Variants in FOXK1 observed in about 807,000 individuals in gnomAD.
The protein encoded by FOXK1 is forkhead box protein K1.
FOXK1 carries 19 observed loss-of-function variants against 51.9 expected under a neutral mutation model. The ratio of observed to expected loss-of-function variants is 0.37; its 90% CI spans 0.26 to 0.54. The LOEUF (loss-of-function observed/expected upper bound fraction) is 0.54, where lower values mean the gene tolerates loss of function less well. FOXK1 is among the 20% of genes least tolerant of loss of function. The pLI is 0.87. For synonymous variants in FOXK1, 537 were observed against 482.6 expected (o/e 1.11, Z -1.48); for missense variants, 870 against 1,032.7 (o/e 0.84, Z 2.16).
At chr7:4,737,572 G>GTGTGTGCA (rs1038024447) in intron 1 of FOXK1, among the ~76,000 whole-genome samples, 1 of 152,016 alleles carries the variant, frequency 6.6e-6, no homozygotes, top group Non-Finnish European at 1.5e-5. Context: ...GTGTGTGTGT[G>GTGTGTGCA]TGCATGCATG....
intron 1 of FOXK1, among the ~76,000 whole-genome samples, chr7:4,732,337 C>T (rs1312073918): frequency 1.3e-5 from 2 of 152,198 alleles, no homozygotes; most frequent in Non-Finnish European, 2.9e-5. Context: ...TCCATTCATT[C>T]ATTCATTCAT....
chr7:4,730,697 G>A lies in FOXK1; in HGVS notation c.561-10141G>A, dbSNP rs1192962247. ...TGCACTGCTCTTAGCTGCTGGCGAAGACGTGGTCTCTGCAATAGAGAGGCG... is the reference window on the plus strand; with the variant it reads ...TGCACTGCTCTTAGCTGCTGGCGAAAACGTGGTCTCTGCAATAGAGAGGCG... On this transcript the variant is annotated intron_variant, in intron 1 of 8. Coordinates refer to ENST00000328914, the MANE Select transcript of FOXK1 (RefSeq NM_001037165.2). This position sits in a 1 kb window ranked among gnomAD's most constrained non-coding sequence, Gnocchi z 4.7. Among the ~76,000 whole-genome samples, 3 of 152,250 alleles carry A rather than the reference G, an allele frequency of 2.0e-5. No homozygotes were observed. Among genetic ancestry groups the A allele is most frequent in the Non-Finnish European group, 2.9e-5 (2 of 68,050 alleles).
chr7:4,719,280 G>A (rs1200507496), intron 1 of FOXK1, among the ~76,000 whole-genome samples: 4 of 151,770 alleles, frequency 2.6e-5, no homozygotes, highest in East Asian at 1.9e-4. Flanking sequence ...GACTACAAGC[G>A]TGCACCACTA....
chr7:4,708,892 C>G (rs1171727936), intron 1 of FOXK1, among the ~76,000 whole-genome samples: 1 of 152,042 alleles, frequency 6.6e-6, no homozygotes. Flanking sequence ...TAGTGAGACC[C>G]CGTCTCTACT....
intron 1 of FOXK1, among the ~76,000 whole-genome samples, chr7:4,727,770 G>A (rs1021677906): frequency 1.2e-4 from 18 of 152,234 alleles, no homozygotes; most frequent in African/African-American, 2.2e-4. Context: ...GTGGGAACCC[G>A]CGCACGGAGG....
In FOXK1 at chr7:4,723,404, C is replaced by T. The variant is rs993299171; in HGVS notation, c.561-17434C>T. Among the ~76,000 whole-genome samples the T allele has an allele frequency of 3.3e-5, 5 of 151,486 alleles. 1 individual carries two copies. The highest frequency in any genetic ancestry group is 4.2e-4 in the South Asian group (2 of 4,816). On this transcript the variant is annotated intron_variant, in intron 1 of 8. Transcript: ENST00000328914. This position sits in a 1 kb window ranked among gnomAD's most constrained non-coding sequence, Gnocchi z 4.7. Reference sequence around the variant, plus strand: ...TTTTCTGTGGGGTTTTTTTTTTGGACGTTCCCAGCTGACTAAATTTGCCTT... The same window carrying T: ...TTTTCTGTGGGGTTTTTTTTTTGGATGTTCCCAGCTGACTAAATTTGCCTT...
In FOXK1 at chr7:4,754,736, A is replaced by T. The variant is rs56130707; in HGVS notation, c.903+121A>T. The T allele has an allele frequency of 9.4e-5, 118 of 1,257,886 alleles. 1 individual carries two copies. In the South Asian group the frequency reaches 9.8e-4, roughly 10 times the overall value. The allele number at this position is 1,257,886 out of a possible 1,614,324, so 77.9% of individuals were successfully genotyped here. On this transcript the variant is annotated intron_variant, in intron 3 of 8. Transcript: ENST00000328914. ...CGTGTGCTCGAGGTGGTCTCAGCCCACAGGGAATGGAGCCGCAGCTGGCGG... is the reference window on the plus strand; with the variant it reads ...CGTGTGCTCGAGGTGGTCTCAGCCCTCAGGGAATGGAGCCGCAGCTGGCGG...
intron 1 of FOXK1, among the ~76,000 whole-genome samples, chr7:4,686,601 G>A (rs955194): frequency 0.049 from 7,528 of 152,138 alleles, 580 homozygotes; most frequent in African/African-American, 0.17. Context: ...CCGGGTCTCC[G>A]TGATAGCGTT....
In FOXK1 at chr7:4,758,735, C is replaced by T. The variant is rs1369150072; in HGVS notation, c.1245-316C>T. The T allele has an allele frequency of 2.9e-6, 1 of 342,518 alleles. No homozygotes were observed. The highest frequency in any genetic ancestry group is 5.3e-6 in the Non-Finnish European group (1 of 188,878). 21.2% of individuals were successfully genotyped at this position (342,518 alleles called of 1,614,324 possible). A position where few individuals can be genotyped will look rare whatever the true frequency, so the allele number is the denominator to read the frequency against. On this transcript the variant is annotated intron_variant, in intron 5 of 8. Coordinates refer to ENST00000328914, the MANE Select transcript of FOXK1 (RefSeq NM_001037165.2). This position sits in a 1 kb window ranked among gnomAD's most constrained non-coding sequence, Gnocchi z 4.4. ...AGCTTATGTTTTTGGCACAGAAGGC[C>T]TGGGCCATTTTCATGGACACCTGGC...
intron 1 of FOXK1, among the ~76,000 whole-genome samples, chr7:4,732,249 A>G (rs915516044): frequency 6.6e-6 from 1 of 152,202 alleles, no homozygotes; most frequent in African/African-American, 2.4e-5. Flanking sequence ...ATGCACCATC[A>G]TTACCCCAGT....
chr7:4,682,413 C>T lies in FOXK1; in HGVS notation c.105C>T (p.Pro35=). The change falls in exon 1 of 9, where the codon CCC becomes CCT. Residue 35 remains proline, a synonymous_variant. Transcript: ENST00000328914. The surrounding 1 kb of genome is among the most constrained non-coding windows in gnomAD (Gnocchi z 7.6). ...CCGCAGCCGCCGCCGCCGCCTTCCC[C>T]GCGGCCGCACCCCCGCCGGCCCCCG... ...LCAAAAAAAF[P]AAAPPPAPAQ... 3.0e-5 allele frequency: 29 copies of T among 981,270 alleles called. No homozygotes were observed. The highest frequency in any genetic ancestry group is 3.5e-5 in the Non-Finnish European group (29 of 828,568). The allele number at this position is 981,270 out of a possible 1,614,324, so 60.8% of individuals were successfully genotyped here. A position where few individuals can be genotyped will look rare whatever the true frequency, so the allele number is the denominator to read the frequency against.
chr7:4,760,408 G>A (rs987137125), intron 7 of FOXK1, among the ~76,000 whole-genome samples: 1 of 152,166 alleles, frequency 6.6e-6, no homozygotes, highest in Non-Finnish European at 1.5e-5. Context: ...CTTCCTCTCC[G>A]CGGTGGTGTT....
intron 1 of FOXK1, among the ~76,000 whole-genome samples, chr7:4,708,370 A>T (rs1275018887): frequency 6.6e-6 from 1 of 152,132 alleles, no homozygotes; most frequent in Non-Finnish European, 1.5e-5. Context: ...GGCCTCCTTC[A>T]TCCAGGGCTG....
At position 4,731,458 on chromosome 7, in the gene FOXK1, C is replaced by A. The variant is rs947158746; in HGVS notation, c.561-9380C>A. 2.6e-5 allele frequency among the ~76,000 whole-genome samples: 4 copies of A among 152,150 alleles called. No individual in the cohort carries two copies. The highest frequency in any genetic ancestry group is 4.4e-5 in the Non-Finnish European group (3 of 68,026). On this transcript the variant is annotated intron_variant, in intron 1 of 8. Transcript: ENST00000328914. The surrounding 1 kb of genome is among the most constrained non-coding windows in gnomAD (Gnocchi z 5.3). ...GGACATGGTAGCAACATTTAAAGAACCTTTTGAAAAGAGAGAGGCGGCCGG... is the reference window on the plus strand; with the variant it reads ...GGACATGGTAGCAACATTTAAAGAAACTTTTGAAAAGAGAGAGGCGGCCGG...
chr7:4,712,561 C>G (rs1176919021), intron 1 of FOXK1, among the ~76,000 whole-genome samples: 1 of 152,158 alleles, frequency 6.6e-6, no homozygotes, highest in Non-Finnish European at 1.5e-5. Flanking sequence ...TGAGAAGGAA[C>G]ACGGAGAGTT....
At chr7:4,706,036 G>A (rs2343628) in intron 1 of FOXK1, among the ~76,000 whole-genome samples, 108,463 of 125,234 alleles carry the variant, frequency 0.87, 46,740 homozygotes, top group East Asian at 0.98. Flanking sequence ...GTATATACGT[G>A]TATATACGTG....
chr7:4,755,968 A>G lies in FOXK1; in HGVS notation c.1050+585A>G, dbSNP rs1009136423. On this transcript the variant is annotated intron_variant, in intron 4 of 8. Coordinates refer to ENST00000328914, the MANE Select transcript of FOXK1 (RefSeq NM_001037165.2). The surrounding 1 kb of genome is among the most constrained non-coding windows in gnomAD (Gnocchi z 6.6). ...CCACGTTAAGTTGGAAAAATGTACC[A>G]TATACTGTTATTCAAACAATCCACA... Among the ~76,000 whole-genome samples the G allele has an allele frequency of 1.3e-5, 2 of 152,174 alleles. No homozygotes were observed. Among genetic ancestry groups the G allele is most frequent in the African/African-American group, 4.8e-5 (2 of 41,436 alleles).
Position 4,759,563 on chromosome 7 carries a change from C to T in FOXK1, c.1664C>T (p.Ala555Val), listed in dbSNP as rs1286039331. ...AAGGSHDAAG[A>V]AVLDLGSEAR... is the part of the protein sequence containing the mutation. ...GGGGGCTCCCATGATGCGGCGGGCGCAGCCGTGCTGGACCTGGGCAGCGAG... is the reference window on the plus strand; with the variant it reads ...GGGGGCTCCCATGATGCGGCGGGCGTAGCCGTGCTGGACCTGGGCAGCGAG... The change falls in exon 7 of 9, where the codon GCA (alanine) becomes GTA (valine). Residue 555 changes from alanine (A) to valine (V), a missense_variant. Transcript: ENST00000328914. 3 of 1,539,304 alleles carry T rather than the reference C, an allele frequency of 1.9e-6. No individual in the cohort carries two copies. The highest frequency in any genetic ancestry group is 2.6e-6 in the Non-Finnish European group (3 of 1,148,294).
intron 1 of FOXK1, among the ~76,000 whole-genome samples, chr7:4,705,973 CGT>C (rs199554854): frequency 0.032 from 2,262 of 70,876 alleles, 87 homozygotes; most frequent in Non-Finnish European, 0.042. Context: ...TATATATATA[CGT>C]ATATATACGT....
Sources: allele counts gnomAD v4.1 joint callset (sites outside exome capture counted in the v4.1 genomes callset), GRCh38; gene constraint gnomAD v4.1.1; non-coding constraint Gnocchi (gnomAD v3.1); transcripts MANE v1.5; gene names NCBI Gene and HGNC (gene_info 2026-07-23, HGNC 2026-07-21).